SPTLC1: variants seen among roughly 807,000 people sequenced by gnomAD.
SPTLC1 encodes the protein serine palmitoyltransferase 1.
SPTLC1 carries 55 observed loss-of-function variants against 68.9 expected under a neutral mutation model. That is an observed-to-expected ratio of 0.80 (90% CI 0.64 to 1.00). The LOEUF (loss-of-function observed/expected upper bound fraction) is 1.00. Ranked by LOEUF, SPTLC1 falls within the 50% of genes least tolerant of loss-of-function variation. The pLI, the probability that SPTLC1 is intolerant of heterozygous loss-of-function variation, is 0.00. For missense variants in SPTLC1, 449 were observed against 573.1 expected (o/e 0.78, Z 2.21); for synonymous variants, 197 against 201.6 (o/e 0.98, Z 0.19).
intron 3 of SPTLC1, chr9:92,108,436 C>T (rs1171450829): frequency 2.3e-5 from 8 of 344,400 alleles, no homozygotes; most frequent in Non-Finnish European, 4.5e-5. Context: ...CAGAAAATAA[C>T]CAGATGGGTA....
intron 3 of SPTLC1, among the ~76,000 whole-genome samples, chr9:92,100,713 C>T (rs1238156600): frequency 2.6e-5 from 4 of 152,008 alleles, no homozygotes; most frequent in Non-Finnish European, 4.4e-5. Flanking sequence ...AGGCATGCAG[C>T]TTCCTGACAC....
chr9:92,083,651 G>A (rs1427652944), intron 3 of SPTLC1, among the ~76,000 whole-genome samples: 1 of 152,150 alleles, frequency 6.6e-6, no homozygotes, highest in Non-Finnish European at 1.5e-5. Context: ...TAGCCTTGTA[G>A]TATAGTTTGA....
intron 3 of SPTLC1, among the ~76,000 whole-genome samples, chr9:92,084,555 A>T (rs954636920): frequency 1.3e-5 from 2 of 152,062 alleles, no homozygotes; most frequent in Non-Finnish European, 2.9e-5. Flanking sequence ...ATTGATTTGC[A>T]TATATTGAAC....
intron 5 of SPTLC1, chr9:92,077,040 A>G (rs183518348): frequency 6.6e-6 from 1 of 152,276 alleles, no homozygotes; most frequent in African/African-American, 2.4e-5. Flanking sequence ...AGTTCTCTGG[A>G]AAAGTAGAAA....
chr9:92,111,311 C>T (rs2118835803), intron 2 of SPTLC1: 1 of 152,316 alleles, frequency 6.6e-6, no homozygotes, highest in South Asian at 2.1e-4. Flanking sequence ...TTATTTTACA[C>T]ACTAGTAGGA....
rs558063386 is a variant in SPTLC1, at chr9:92,077,626, G to A, written c.427+2390C>T. On this transcript the variant is annotated intron_variant, in intron 5 of 14. Coordinates refer to ENST00000262554, the MANE Select transcript of SPTLC1 (RefSeq NM_006415.4). ...CCTGTATACCTTTTATTTACAGTAG[G>A]CCTTTACACAGTCACCCCAGTATTT... Among the ~76,000 whole-genome samples the A allele has an allele frequency of 1.4e-3, 211 of 152,186 alleles. 1 individual carries two copies. Among genetic ancestry groups the A allele is most frequent in the African/African-American group, 3.9e-3 (160 of 41,518 alleles).
chr9:92,076,527 A>C (rs1025554716), intron 5 of SPTLC1, among the ~76,000 whole-genome samples: 1 of 152,118 alleles, frequency 6.6e-6, no homozygotes, highest in Non-Finnish European at 1.5e-5. Context: ...CCTGCCTCTC[A>C]AGCTTACTCT....
rs547695041 is a variant in SPTLC1 at position 92,099,601 on chromosome 9, T to C, written c.260+9139A>G. ...CTCAAGCCATCTTCCCACCTCATCC[T>C]CCCAAGTAGCTGGGACTATAGGCCT... On this transcript the variant is annotated intron_variant, in intron 3 of 14. Coordinates refer to ENST00000262554, the MANE Select transcript of SPTLC1 (RefSeq NM_006415.4). Among the ~76,000 whole-genome samples the C allele has an allele frequency of 3.3e-5, 5 of 151,446 alleles. No homozygotes were observed. In the East Asian group the frequency reaches 7.8e-4, roughly 24 times the overall value.
At chr9:92,046,584 A>C (rs945143731) in intron 11 of SPTLC1, among the ~76,000 whole-genome samples, 1 of 152,228 alleles carries the variant, frequency 6.6e-6, no homozygotes, top group Non-Finnish European at 1.5e-5. Flanking sequence ...ATGAAGATTC[A>C]GAAATACTGT....
At position 92,047,193 on chromosome 9, in the gene SPTLC1, T is replaced by C; in HGVS notation, c.1060A>G (p.Asn354Asp). 1 of 1,614,104 alleles carries C rather than the reference T, an allele frequency of 6.2e-7. No individual in the cohort carries two copies. ...LLAAAAIEALNIMEENPGIFA... is the reference protein window; with the variant it reads ...LLAAAAIEALDIMEENPGIFA... Reference sequence around the variant, plus strand: ...ATACCTGGATTCTCTTCCATGATGTTGAGGGCCTCAATTGCTGCAGCAGCT... The same window carrying C: ...ATACCTGGATTCTCTTCCATGATGTCGAGGGCCTCAATTGCTGCAGCAGCT... The change falls in exon 11 of 15, where the codon AAC (asparagine) becomes GAC (aspartate). Residue 354 changes from asparagine (N) to aspartate (D), a missense_variant. Physicochemically the swap from Asn to Asp is conservative, Grantham distance 23 (BLOSUM62 1). Around this residue, in one of 3 missense-constraint regions of SPTLC1, gnomAD observed 391 missense variants for 472.1 expected, o/e 0.83. Coordinates refer to ENST00000262554, the MANE Select transcript of SPTLC1 (RefSeq NM_006415.4).
At chr9:92,047,492 G>A in intron 10 of SPTLC1, 121 bp downstream of exon 10, 2 of 767,432 alleles carry the variant, frequency 2.6e-6, no homozygotes, top group Non-Finnish European at 4.4e-6. Context: ...TTTAAAAATT[G>A]ACATTTAAAT....
intron 3 of SPTLC1, among the ~76,000 whole-genome samples, chr9:92,107,549 G>A (rs1438158918): frequency 6.6e-6 from 1 of 152,198 alleles, no homozygotes; most frequent in Non-Finnish European, 1.5e-5. Context: ...TCAGGAAATC[G>A]AGACCATCCT....
chr9:92,068,428 A>G (rs1834368202), intron 5 of SPTLC1, among the ~76,000 whole-genome samples: 2 of 152,220 alleles, frequency 1.3e-5, no homozygotes, highest in South Asian at 4.1e-4. Flanking sequence ...CCTTGACCAA[A>G]ACCATTGAGG....
At chr9:92,104,313 C>T (rs893912574) in intron 3 of SPTLC1, 24 of 1,385,986 alleles carry the variant, frequency 1.7e-5, no homozygotes, top group East Asian at 5.3e-5. Flanking sequence ...GGGCTCACCC[C>T]GCGGCTCCTG....
chr9:92,065,226 G>C lies in SPTLC1; in HGVS notation c.560+2740C>G, dbSNP rs1834239607. ...ACATACTTAGTGGAGTGATAGGACA[G>C]ACTTAAGTCCATGAATGACCACTGT... On this transcript the variant is annotated intron_variant, in intron 6 of 14. Coordinates refer to ENST00000262554, the MANE Select transcript of SPTLC1 (RefSeq NM_006415.4). Among the ~76,000 whole-genome samples the C allele has an allele frequency of 2.6e-5, 4 of 152,202 alleles. No homozygotes were observed. In the South Asian group the frequency reaches 8.3e-4, roughly 31 times the overall value.
rs1228075031 is a variant in SPTLC1, at chr9:92,059,043, AT to A, written c.690+135del. On this transcript the variant is annotated intron_variant, in intron 7 of 14. Coordinates refer to ENST00000262554, the MANE Select transcript of SPTLC1 (RefSeq NM_006415.4). ...GACTTGGCTCTCCAACACCAAGTAC[AT>A]TTAATAAGCAGGAACACCTTAATAT... The A allele has an allele frequency of 4.5e-5, 48 of 1,055,450 alleles. No homozygotes were observed. In the African/African-American group the frequency reaches 6.9e-4, roughly 15 times the overall value. 65.4% of individuals were successfully genotyped at this position (1,055,450 alleles called of 1,614,324 possible). A position where few individuals can be genotyped will look rare whatever the true frequency, so the allele number is the denominator to read the frequency against.
intron 8 of SPTLC1, chr9:92,051,008 A>G: frequency 1.0e-6 from 1 of 984,938 alleles, no homozygotes; most frequent in Non-Finnish European, 1.2e-6. Flanking sequence ...AGCTGTTCCT[A>G]CACTTCATCT....
At chr9:92,060,649 G>A (rs1214614332) in intron 6 of SPTLC1, among the ~76,000 whole-genome samples, 2 of 151,874 alleles carry the variant, frequency 1.3e-5, no homozygotes, top group East Asian at 3.9e-4. Context: ...GCCCATGCCT[G>A]TAATCCCAGC....
rs576396374 is a variant in SPTLC1, at chr9:92,108,502, C to T, written c.260+238G>A. ...AGTGTTCGACCATTGGAAATATTAA[C>T]ATGTGTGCATTCTTGGAAAAAAGGG... On this transcript the variant is annotated intron_variant, in intron 3 of 14. Transcript: ENST00000262554. 1.3e-5 allele frequency: 6 copies of T among 475,298 alleles called. No individual in the cohort carries two copies. In the East Asian group the frequency reaches 2.6e-4, roughly 21 times the overall value. 29.4% of individuals were successfully genotyped at this position (475,298 alleles called of 1,614,324 possible).
Sources: gnomAD v4.1 joint callset for allele counts (sites outside exome capture counted in the v4.1 genomes callset) on GRCh38, gnomAD v4.1.1 for gene constraint, gnomAD v4.1.1 regional missense constraint, MANE v1.5 for transcripts, NCBI Gene and HGNC (gene_info 2026-07-23, HGNC 2026-07-21) for gene names.